The following DGKG variants were observed in gnomAD, a reference collection of about 807,000 sequenced individuals.
DGKG encodes DAG kinase gamma.
A neutral mutation model predicts 105.3 loss-of-function variants in DGKG; 78 were observed. The observed-to-expected ratio is 0.74, with a 90% CI of 0.62 to 0.89. The LOEUF is 0.89. Among genes scored for constraint, DGKG ranks in the 40% least tolerant of loss-of-function variants. DGKG has a pLI of 0.00. For synonymous variants in DGKG, 346 were observed against 367.1 expected, an observed-to-expected ratio of 0.94 and a Z score of 0.66; for missense variants, 958 against 1,020.1, an observed-to-expected ratio of 0.94 and a Z score of 0.83.
At chr3:186,258,168 C>T (rs1247742163) in intron 16 of DGKG, among the ~76,000 whole-genome samples, 1 of 152,218 alleles carries the variant, frequency 6.6e-6, no homozygotes, top group African/African-American at 2.4e-5. Flanking sequence ...TCTGACTCAA[C>T]ATTCGACACA....
At chr3:186,196,482 T>C (rs547869081) in intron 21 of DGKG, among the ~76,000 whole-genome samples, 2 of 152,302 alleles carry the variant, frequency 1.3e-5, no homozygotes, top group Non-Finnish European at 2.9e-5. Flanking sequence ...ATCAAAGACC[T>C]GAAGGGCTTG....
chr3:186,149,708 C>G lies in DGKG; in HGVS notation c.*382G>C. ...CTCACCATAGGCAGGAAACCTGCAG[C>G]CTGCTCCTCGCGAGCGTCCATGAGG... On this transcript the variant is annotated 3_prime_UTR_variant, in exon 25 of 25. Coordinates refer to ENST00000265022, the MANE Select transcript of DGKG (RefSeq NM_001346.3). 9.9e-7 allele frequency: 1 copy of G among 1,012,134 alleles called. No individual in the cohort carries two copies. Among genetic ancestry groups the G allele is most frequent in the Non-Finnish European group, 1.2e-6 (1 of 845,886 alleles). The allele number at this position is 1,012,134 out of a possible 1,614,324, so 62.7% of individuals were successfully genotyped here. A position where few individuals can be genotyped will look rare whatever the true frequency, so the allele number is the denominator to read the frequency against.
chr3:186,341,804 G>A (rs1350713296), intron 1 of DGKG, among the ~76,000 whole-genome samples: 1 of 152,064 alleles, frequency 6.6e-6, no homozygotes, highest in Admixed American at 6.5e-5. Context: ...AAGAAAATGT[G>A]GCACATATAC....
intron 21 of DGKG, among the ~76,000 whole-genome samples, chr3:186,194,304 C>G (rs1483486222): frequency 6.6e-6 from 1 of 152,232 alleles, no homozygotes; most frequent in Non-Finnish European, 1.5e-5. Context: ...CCTACAATCA[C>G]AGAATTCTAG....
At position 186,147,682 on chromosome 3, in the gene DGKG, G is replaced by A. The variant is rs1453249674; in HGVS notation, c.*2408C>T. The A allele has an allele frequency of 1.0e-6, 1 of 985,276 alleles. No homozygotes were observed. Among genetic ancestry groups the A allele is most frequent in the Non-Finnish European group, 1.2e-6 (1 of 829,938 alleles). The allele number at this position is 985,276 out of a possible 1,614,324, so 61.0% of individuals were successfully genotyped here. ...TGCACTGCCCCTTCATGAGACCTGT[G>A]AGTCTCTGAGAATCAATTTCACCTG... On this transcript the variant is annotated 3_prime_UTR_variant, in exon 25 of 25. Coordinates refer to ENST00000265022, the MANE Select transcript of DGKG (RefSeq NM_001346.3).
chr3:186,161,184 G>A (rs954654372), intron 24 of DGKG: 3 of 996,374 alleles, frequency 3.0e-6, no homozygotes, highest in African/African-American at 1.7e-5. Context: ...TCTAGGTAAG[G>A]TAAGTGTGTA....
chr3:186,268,708 C>T, intron 12 of DGKG, 93 bp downstream of exon 12: 3 of 883,048 alleles, frequency 3.4e-6, no homozygotes, highest in Admixed American at 1.9e-5. Context: ...TGGCTTTGCT[C>T]ATGCCCTCTG....
intron 14 of DGKG, among the ~76,000 whole-genome samples, chr3:186,262,598 T>A (rs1721828428): frequency 6.6e-6 from 1 of 152,202 alleles, no homozygotes; most frequent in Non-Finnish European, 1.5e-5. Context: ...ATTTGGATTT[T>A]GTGGATAAAA....
intron 7 of DGKG, among the ~76,000 whole-genome samples, chr3:186,283,343 T>A (rs1722913177): frequency 6.6e-6 from 1 of 152,146 alleles, no homozygotes; most frequent in Non-Finnish European, 1.5e-5. Context: ...TCTGCTCCAT[T>A]CACACTGGCC....
intron 1 of DGKG, among the ~76,000 whole-genome samples, chr3:186,343,457 A>AT (rs1726181705): frequency 1.3e-5 from 2 of 151,790 alleles, no homozygotes; most frequent in Non-Finnish European, 2.9e-5. Context: ...TGCCTTGCTA[A>AT]TTTTTTTGTA....
chr3:186,339,826 A>G (rs1726005242), intron 1 of DGKG, among the ~76,000 whole-genome samples: 1 of 152,224 alleles, frequency 6.6e-6, no homozygotes, highest in African/African-American at 2.4e-5. Flanking sequence ...GTATCACCCC[A>G]AGCTCCAACA....
intron 20 of DGKG, among the ~76,000 whole-genome samples, chr3:186,227,971 T>C (rs991704726): frequency 6.6e-6 from 1 of 152,146 alleles, no homozygotes; most frequent in African/African-American, 2.4e-5. Flanking sequence ...ATTAGTAAAG[T>C]ACAATAGAAG....
At chr3:186,170,738 A>G (rs1716776465) in intron 22 of DGKG, among the ~76,000 whole-genome samples, 1 of 152,120 alleles carries the variant, frequency 6.6e-6, no homozygotes. Flanking sequence ...TTTTCTCCAC[A>G]TTCACCCGGA....
chr3:186,216,013 G>C (rs540735448), intron 20 of DGKG, among the ~76,000 whole-genome samples: 14 of 151,298 alleles, frequency 9.3e-5, no homozygotes, highest in African/African-American at 2.9e-4. Context: ...ATTATTTGGG[G>C]GGTGGGGCAG....
Position 186,243,895 on chromosome 3 carries a change from G to GTTTT in DGKG, c.1762-1331_1762-1328dup, listed in dbSNP as rs34134152. On this transcript the variant is annotated intron_variant, in intron 19 of 24. Transcript: ENST00000265022. ...CTATTTCTTATATGAAAATTTCTGT[G>GTTTT]TTTTTTTTTTTTTTTTTTGAGATGG... 3.8e-3 allele frequency among the ~76,000 whole-genome samples: 436 copies of GTTTT among 116,252 alleles called. 19 individuals carry two copies. The highest frequency in any genetic ancestry group is 0.024 in the East Asian group (99 of 4,160). 76.3% of individuals were successfully genotyped at this position (116,252 alleles called of 152,430 possible). A position where few individuals can be genotyped will look rare whatever the true frequency, so the allele number is the denominator to read the frequency against.
intron 1 of DGKG, among the ~76,000 whole-genome samples, chr3:186,329,600 A>T (rs930745243): frequency 2.6e-5 from 4 of 152,226 alleles, no homozygotes; most frequent in Non-Finnish European, 4.4e-5. Context: ...TAATGAGTAC[A>T]TGTTCATAAG....
chr3:186,332,531 G>A (rs1725650506), intron 1 of DGKG, among the ~76,000 whole-genome samples: 1 of 152,116 alleles, frequency 6.6e-6, no homozygotes, highest in African/African-American at 2.4e-5. Context: ...CATGCCCTGT[G>A]TCAGGGAGAC....
At chr3:186,306,356 C>A (rs1724238010) in intron 3 of DGKG, among the ~76,000 whole-genome samples, 1 of 151,726 alleles carries the variant, frequency 6.6e-6, no homozygotes. Context: ...ACGAAGAAAG[C>A]TGATATGAAG....
At chr3:186,260,038 C>T (rs1463872323) in intron 16 of DGKG, among the ~76,000 whole-genome samples, 1 of 152,146 alleles carries the variant, frequency 6.6e-6, no homozygotes, top group Non-Finnish European at 1.5e-5. Flanking sequence ...GTCTAGATTT[C>T]CAAACTGCTG....
Sources: gnomAD v4.1 joint callset for allele counts (sites outside exome capture counted in the v4.1 genomes callset) on GRCh38, gnomAD v4.1.1 for gene constraint, MANE v1.5 for transcripts, NCBI Gene and HGNC (gene_info 2026-07-23, HGNC 2026-07-21) for gene names.